The following CDH8 variants were observed in gnomAD, a reference collection of about 807,000 sequenced individuals.
CDH8 encodes cadherin 8.
Under a neutral mutation model 68.1 loss-of-function variants are expected in CDH8, and 17 were observed. That is an observed-to-expected ratio of 0.25 (90% CI 0.17 to 0.37). The LOEUF (loss-of-function observed/expected upper bound fraction) is 0.37, where lower values mean the gene tolerates loss of function less well. Among genes scored for constraint, CDH8 ranks in the 10% least tolerant of loss-of-function variants. CDH8 has a pLI of 1.00. For missense variants in CDH8, 763 were observed against 999.3 expected (o/e 0.76, Z 3.19); for synonymous variants, 372 against 365.1 (o/e 1.02, Z -0.21).
At chr16:61,862,338 C>T (rs1189585693) in intron 3 of CDH8, among the ~76,000 whole-genome samples, 1 of 152,182 alleles carries the variant, frequency 6.6e-6, no homozygotes, top group Non-Finnish European at 1.5e-5. Context: ...GGCACATCAT[C>T]AGTACAAGTT....
At chr16:61,713,422 G>A (rs1161373060) in intron 10 of CDH8, among the ~76,000 whole-genome samples, 1 of 151,584 alleles carries the variant, frequency 6.6e-6, no homozygotes, top group Non-Finnish European at 1.5e-5. Flanking sequence ...CCTTTAATGT[G>A]TACTCACAAA....
chr16:61,980,414 AT>A (rs1291280401), intron 2 of CDH8, among the ~76,000 whole-genome samples: 1 of 151,942 alleles, frequency 6.6e-6, no homozygotes, highest in Non-Finnish European at 1.5e-5. Flanking sequence ...TAATCACCTC[AT>A]TTTTTTCATA....
At position 61,650,344 on chromosome 16, in the gene CDH8, A is replaced by G. The variant is rs1023425153; in HGVS notation, c.*3264T>C. 3 of 152,074 alleles carry G rather than the reference A, an allele frequency of 2.0e-5. No individual in the cohort carries two copies. Among genetic ancestry groups the G allele is most frequent in the Non-Finnish European group, 2.9e-5 (2 of 68,022 alleles). The allele number at this position is 152,074 out of a possible 1,614,324, so 9.4% of individuals were successfully genotyped here. A position where few individuals can be genotyped will look rare whatever the true frequency, so the allele number is the denominator to read the frequency against. ...TCACCCAGGGATGCATCAGTTCCCT[A>G]GGTGGGAACCTTGAATTGTGAGGTA... On this transcript the variant is annotated 3_prime_UTR_variant, in exon 12 of 12. Coordinates refer to ENST00000577390, the MANE Select transcript of CDH8 (RefSeq NM_001796.5).
intron 4 of CDH8, among the ~76,000 whole-genome samples, chr16:61,854,225 G>T (rs1752339634): frequency 6.6e-6 from 1 of 151,832 alleles, no homozygotes. Flanking sequence ...GGATTTCCAT[G>T]CAGTTAGCTG....
At chr16:61,692,256 T>G (rs1964240342) in intron 10 of CDH8, 1 of 152,146 alleles carries the variant, frequency 6.6e-6, no homozygotes, top group Non-Finnish European at 1.5e-5. Context: ...CATCAGAGAT[T>G]TTTACCTCTG....
intron 3 of CDH8, among the ~76,000 whole-genome samples, chr16:61,893,504 C>T (rs1193965048): frequency 6.6e-6 from 1 of 151,834 alleles, no homozygotes; most frequent in Non-Finnish European, 1.5e-5. Context: ...GGAACACTGA[C>T]ATCCTAATAA....
intron 2 of CDH8, among the ~76,000 whole-genome samples, chr16:61,945,836 G>T (rs1337853331): frequency 6.6e-6 from 1 of 152,128 alleles, no homozygotes; most frequent in Non-Finnish European, 1.5e-5. Flanking sequence ...GCTTTCTCAG[G>T]CACCGTGATT....
At chr16:61,817,860 C>T (rs567691844) in intron 6 of CDH8, 128 bp from the exon 7 acceptor site, 5 of 774,366 alleles carry the variant, frequency 6.5e-6, no homozygotes, top group African/African-American at 3.5e-5. Flanking sequence ...TGGGATCACT[C>T]TCCAGTCCCC....
chr16:61,932,202 C>T (rs1052408780), intron 2 of CDH8, among the ~76,000 whole-genome samples: 5 of 116,576 alleles, frequency 4.3e-5, no homozygotes, highest in African/African-American at 7.2e-5. Flanking sequence ...AGCAAAACTC[C>T]GTCTCAAAAA....
chr16:62,029,610 C>G (rs780232469), intron 1 of CDH8, among the ~76,000 whole-genome samples: 1 of 152,190 alleles, frequency 6.6e-6, no homozygotes, highest in East Asian at 1.9e-4. Context: ...AGAGTACAAG[C>G]ACTACCTGTT....
intron 2 of CDH8, among the ~76,000 whole-genome samples, chr16:61,920,244 T>C (rs1342159277): frequency 3.0e-5 from 4 of 133,862 alleles, no homozygotes; most frequent in Non-Finnish European, 4.7e-5. Context: ...AAAGCCAAAA[T>C]TGACAAATGG....
At chr16:61,878,021 A>T (rs1963495367) in intron 3 of CDH8, among the ~76,000 whole-genome samples, 1 of 152,208 alleles carries the variant, frequency 6.6e-6, no homozygotes, top group Non-Finnish European at 1.5e-5. Context: ...CCAAAGATGT[A>T]TGAGTAATGG....
intron 10 of CDH8, among the ~76,000 whole-genome samples, chr16:61,704,354 GTTAT>G (rs1208278582): frequency 6.6e-6 from 1 of 152,100 alleles, no homozygotes; most frequent in Non-Finnish European, 1.5e-5. Flanking sequence ...TGTTTATTGA[GTTAT>G]TTTATTTTAT....
At chr16:62,033,250 G>A (rs1308373714) in intron 1 of CDH8, among the ~76,000 whole-genome samples, 1 of 152,168 alleles carries the variant, frequency 6.6e-6, no homozygotes, top group Non-Finnish European at 1.5e-5. Context: ...TGCTAATTGA[G>A]GGATTGCTAT....
In CDH8 at chr16:61,932,139, G is replaced by A. The variant is rs537948192; in HGVS notation, c.253-30666C>T. 4.6e-5 allele frequency among the ~76,000 whole-genome samples: 7 copies of A among 151,174 alleles called. No individual in the cohort carries two copies. The South Asian group carries it at 8.3e-4, about 18-fold the overall frequency. On this transcript the variant is annotated intron_variant, in intron 2 of 11. Coordinates refer to ENST00000577390, the MANE Select transcript of CDH8 (RefSeq NM_001796.5). ...GGAGAATGGCGTGAACCCGGGAGGC[G>A]GAGCTTGCAGTGAGCCGAGAAGGCG...
intron 3 of CDH8, among the ~76,000 whole-genome samples, chr16:61,896,013 C>T (rs891654383): frequency 1.3e-5 from 2 of 151,848 alleles, no homozygotes; most frequent in African/African-American, 4.8e-5. Context: ...AAAAAAAGTT[C>T]ATTTTACTCA....
intron 10 of CDH8, among the ~76,000 whole-genome samples, chr16:61,669,398 T>C (rs1963746383): frequency 6.6e-6 from 1 of 152,094 alleles, no homozygotes; most frequent in East Asian, 1.9e-4. Context: ...GTTGCTTTTC[T>C]GTTTCACCAA....
At chr16:61,858,474 G>T (rs1963090314) in intron 3 of CDH8, among the ~76,000 whole-genome samples, 1 of 152,214 alleles carries the variant, frequency 6.6e-6, no homozygotes, top group South Asian at 2.1e-4. Context: ...TCTTCATGCA[G>T]CAAGTGCTGG....
At chr16:61,781,418 C>T (rs1010173467) in intron 8 of CDH8, among the ~76,000 whole-genome samples, 1 of 151,752 alleles carries the variant, frequency 6.6e-6, no homozygotes, top group Non-Finnish European at 1.5e-5. Context: ...CATGGTGAGA[C>T]CCTGTTTCTA....
Sources: allele counts gnomAD v4.1 joint callset (sites outside exome capture counted in the v4.1 genomes callset), GRCh38; gene constraint gnomAD v4.1.1; transcripts MANE v1.5; gene names NCBI Gene and HGNC (gene_info 2026-07-23, HGNC 2026-07-21).